Variants in EHD2 observed in about 807,000 individuals in gnomAD.
The protein encoded by EHD2 is EH domain containing 2.
A neutral mutation model predicts 41.0 loss-of-function variants in EHD2; 27 were observed. That is an observed-to-expected ratio of 0.66 (90% CI 0.49 to 0.91). The LOEUF is 0.91. Ranked by LOEUF, EHD2 falls within the 40% of genes least tolerant of loss-of-function variation. The pLI, the probability that EHD2 is intolerant of heterozygous loss-of-function variation, is 0.00. For missense variants in EHD2, 673 were observed against 773.9 expected, an observed-to-expected ratio of 0.87 and a Z score of 1.55; for synonymous variants, 342 against 341.0, an observed-to-expected ratio of 1.00 and a Z score of -0.03.
chr19:47,724,067 T>A (rs1272346838), intron 3 of EHD2, among the ~76,000 whole-genome samples: 1 of 148,328 alleles, frequency 6.7e-6, no homozygotes, highest in Non-Finnish European at 1.5e-5. Flanking sequence ...TATATTCTTT[T>A]AATCTTCACA....
At chr19:47,740,480 T>C (rs1966974145) in intron 5 of EHD2, among the ~76,000 whole-genome samples, 2 of 151,600 alleles carry the variant, frequency 1.3e-5, no homozygotes, top group Admixed American at 6.6e-5. Flanking sequence ...CTGGGCGCGG[T>C]GGCTCATGCC....
At chr19:47,739,991 C>A (rs562772858) in intron 5 of EHD2, among the ~76,000 whole-genome samples, 1 of 152,222 alleles carries the variant, frequency 6.6e-6, no homozygotes, top group Non-Finnish European at 1.5e-5. Flanking sequence ...GACCTTGTTG[C>A]CCAAGTATCT....
intron 3 of EHD2, among the ~76,000 whole-genome samples, chr19:47,724,425 T>A (rs1973728544): frequency 6.6e-6 from 1 of 152,198 alleles, no homozygotes; most frequent in Admixed American, 6.5e-5. Context: ...TTAAGCTACT[T>A]GCCTAAGGTC....
chr19:47,726,286 C>A, intron 4 of EHD2, 62 bp downstream of exon 4: 1 of 1,442,218 alleles, frequency 6.9e-7, no homozygotes, highest in South Asian at 1.5e-5. Flanking sequence ...CCTCTCCTAC[C>A]AGTGCTGTGA....
At chr19:47,730,311 A>G (rs1973795337) in intron 4 of EHD2, among the ~76,000 whole-genome samples, 1 of 149,388 alleles carries the variant, frequency 6.7e-6, no homozygotes, top group Non-Finnish European at 1.5e-5. Flanking sequence ...GCCCGCTCTC[A>G]CAGGCCCCGC....
At chr19:47,736,929 C>T (rs867141708) in intron 5 of EHD2, among the ~76,000 whole-genome samples, 1 of 152,116 alleles carries the variant, frequency 6.6e-6, no homozygotes, top group South Asian at 2.1e-4. Context: ...TGCGTTCCAG[C>T]CAGCAAGAAG....
chr19:47,730,942 G>A (rs1053181156), intron 4 of EHD2, among the ~76,000 whole-genome samples: 5 of 152,008 alleles, frequency 3.3e-5, no homozygotes, highest in Admixed American at 2.0e-4. Flanking sequence ...ACTTTTTAGT[G>A]GGGAAGCAAA....
rs914312494 is a variant in EHD2, at chr19:47,719,331, G to A, written c.502+725G>A. On this transcript the variant is annotated intron_variant, in intron 3 of 5. Transcript: ENST00000263277. This position sits in a 1 kb window ranked among gnomAD's most constrained non-coding sequence, Gnocchi z 4.1. The stretch of plus-strand genomic sequence containing the variant: ...GGGCCCTGCGAGCTCCTGGCTCTGC[G>A]TCTGGGCCACAGATGGGGCCGAGAA... Among the ~76,000 whole-genome samples, 7 of 152,102 alleles carry A rather than the reference G, an allele frequency of 4.6e-5. No individual in the cohort carries two copies. Among genetic ancestry groups the A allele is most frequent in the African/African-American group, 1.2e-4 (5 of 41,408 alleles).
At chr19:47,729,212 T>G (rs1599896313) in intron 4 of EHD2, among the ~76,000 whole-genome samples, 2 of 151,614 alleles carry the variant, frequency 1.3e-5, no homozygotes, top group East Asian at 3.9e-4. Context: ...AGAGGGCTTC[T>G]TTGGAGGAGA....
chr19:47,731,096 T>C (rs2123651478), intron 4 of EHD2, among the ~76,000 whole-genome samples: 1 of 150,618 alleles, frequency 6.6e-6, no homozygotes, highest in African/African-American at 2.4e-5. Flanking sequence ...GAGCAGTCCA[T>C]GCAGTGAGAA....
chr19:47,717,233 C>T (rs1973638811), intron 2 of EHD2, among the ~76,000 whole-genome samples: 1 of 151,992 alleles, frequency 6.6e-6, no homozygotes, highest in Admixed American at 6.6e-5. Context: ...TTATTAGGTA[C>T]AGTTGGGGTT....
In EHD2 at chr19:47,741,832, G is replaced by A. The variant is rs146371062; in HGVS notation, c.*400G>A. 797 of 472,142 alleles carry A rather than the reference G, an allele frequency of 1.7e-3. 6 individuals carry two copies. The highest frequency in any genetic ancestry group is 0.014 in the African/African-American group (734 of 50,914). 29.2% of individuals were successfully genotyped at this position (472,142 alleles called of 1,614,324 possible). A position where few individuals can be genotyped will look rare whatever the true frequency, so the allele number is the denominator to read the frequency against. On this transcript the variant is annotated 3_prime_UTR_variant, in exon 6 of 6. Coordinates refer to ENST00000263277, the MANE Select transcript of EHD2 (RefSeq NM_014601.4). The surrounding 1 kb of genome is among the most constrained non-coding windows in gnomAD (Gnocchi z 4.5). The stretch of plus-strand genomic sequence containing the variant: ...CTCATGGAAGGTGACGTTCCCAGGA[G>A]AGGGCACCTACACAGTCACGCAAAC...
chr19:47,716,469 C>A, intron 1 of EHD2, 89 bp from the exon 2 acceptor site: 1 of 853,006 alleles, frequency 1.2e-6, no homozygotes, highest in Non-Finnish European at 1.7e-6. Context: ...CTCCTCCACC[C>A]ATCCTGTCAC....
At position 47,716,467 on chromosome 19, in the gene EHD2, C is replaced by G. The variant is rs543479591; in HGVS notation, c.-55-91C>G. ...TATCTGTGCTCCTCCTCCTCCTCCACCCATCCTGTCACCCAGACAGTCTAC... is the reference window on the plus strand; with the variant it reads ...TATCTGTGCTCCTCCTCCTCCTCCAGCCATCCTGTCACCCAGACAGTCTAC... On this transcript the variant is annotated intron_variant, in intron 1 of 5. Transcript: ENST00000263277. 1.1e-4 allele frequency: 95 copies of G among 838,892 alleles called. 1 individual carries two copies. In the South Asian group the frequency reaches 2.2e-3, roughly 19 times the overall value. The allele number at this position is 838,892 out of a possible 1,614,324, so 52.0% of individuals were successfully genotyped here. A position where few individuals can be genotyped will look rare whatever the true frequency, so the allele number is the denominator to read the frequency against.
chr19:47,718,538 T>G lies in EHD2; in HGVS notation c.434T>G (p.Val145Gly), dbSNP rs906925477. Residue 145 changes from valine to glycine, a missense_variant, in exon 3 of 6, where the codon GTC (valine) becomes GGC (glycine). Val to Gly is a moderately radical substitution (Grantham distance 109). Transcript: ENST00000263277. ...RFMCAQLPNQ[V>G]LESISIIDTP... is the part of the protein sequence containing the mutation. ...ATGTGTGCCCAGCTCCCTAATCAGG[T>G]CCTGGAGAGCATCAGCATCATCGAC... 1.3e-6 allele frequency: 2 copies of G among 1,587,430 alleles called. No individual in the cohort carries two copies. Among genetic ancestry groups the G allele is most frequent in the African/African-American group, 2.7e-5 (2 of 74,598 alleles).
intron 4 of EHD2, among the ~76,000 whole-genome samples, chr19:47,729,085 T>C (rs1973781978): frequency 6.6e-6 from 1 of 152,146 alleles, no homozygotes; most frequent in East Asian, 1.9e-4. Flanking sequence ...TCCTAAATAA[T>C]GAAGGCAGTT....
At chr19:47,731,781 C>G (rs1966879296) in intron 4 of EHD2, among the ~76,000 whole-genome samples, 1 of 140,630 alleles carries the variant, frequency 7.1e-6, no homozygotes, top group African/African-American at 2.5e-5. Context: ...TCCAGATATA[C>G]TGCATTTTTT....
chr19:47,736,435 A>C lies in EHD2; in HGVS notation c.982A>C (p.Lys328Gln). The C allele has an allele frequency of 6.2e-7, 1 of 1,613,402 alleles. No individual in the cohort carries two copies. Residue 328 changes from lysine (K) to glutamine (Q), a missense_variant, in exon 5 of 6, where the codon AAG (lysine) becomes CAG (glutamine). Lys to Gln is a moderately conservative substitution (Grantham distance 53). Coordinates refer to ENST00000263277, the MANE Select transcript of EHD2 (RefSeq NM_014601.4). ...MPSVFGKENK[K>Q]KQLILKLPVI... The stretch of plus-strand genomic sequence containing the variant: ...CTCTGTGTTTGGGAAGGAGAACAAG[A>C]AGAAGCAGCTGATCCTCAAACTGCC...
intron 4 of EHD2, among the ~76,000 whole-genome samples, chr19:47,727,718 A>AG (rs1394453733): frequency 6.0e-5 from 9 of 150,758 alleles, no homozygotes. Context: ...AAAAAAAAAA[A>AG]GTTCTGATAA....
Sources: allele counts gnomAD v4.1 joint callset (sites outside exome capture counted in the v4.1 genomes callset), GRCh38; gene constraint gnomAD v4.1.1; non-coding constraint Gnocchi (gnomAD v3.1); transcripts MANE v1.5; gene names NCBI Gene and HGNC (gene_info 2026-07-23, HGNC 2026-07-21).